The following EEIG2 variants were observed in gnomAD, a reference collection of about 807,000 sequenced individuals.
EEIG2 encodes the protein EEIG family member 2.
At chr1:108,583,249 C>T in the EEIG2 span, among the ~76,000 whole-genome samples, 2 of 152,112 alleles carry the variant, frequency 1.3e-5, no homozygotes, top group South Asian at 4.1e-4. Context: ...CTTGACCTCC[C>T]TGGGCTTAGG....
At chr1:108,628,514 G>A in the EEIG2 span, 1 of 1,614,080 alleles carries the variant, frequency 6.2e-7, no homozygotes, top group Non-Finnish European at 8.5e-7. Context: ...TGATGAAATT[G>A]AGCAGAAAAT....
the EEIG2 span, chr1:108,624,797 A>G: frequency 6.8e-7 from 1 of 1,475,732 alleles, no homozygotes; most frequent in East Asian, 2.3e-5. Flanking sequence ...AGACGACTTG[A>G]TGCCCTAAAA....
chr1:108,631,274 C>T, the EEIG2 span: 9 of 213,708 alleles, frequency 4.2e-5, no homozygotes, highest in Admixed American at 1.1e-4. Context: ...CAAATTGGCC[C>T]ACTACCTGTA....
chr1:108,562,551 G>T, the EEIG2 span, among the ~76,000 whole-genome samples: 1 of 152,202 alleles, frequency 6.6e-6, no homozygotes, highest in Non-Finnish European at 1.5e-5. Flanking sequence ...CAAGGATTTG[G>T]AATGCGGTGA....
the EEIG2 span, chr1:108,631,010 C>G: frequency 5.0e-5 from 10 of 198,520 alleles, no homozygotes; most frequent in South Asian, 6.6e-4. Flanking sequence ...CCTACATCAA[C>G]GATTAACTAC....
chr1:108,568,161 A>G, the EEIG2 span, among the ~76,000 whole-genome samples: 1 of 152,194 alleles, frequency 6.6e-6, no homozygotes, highest in Non-Finnish European at 1.5e-5. Flanking sequence ...CAGTAAGTTA[A>G]TATTCACCAC....
chr1:108,608,145 A>G, the EEIG2 span, among the ~76,000 whole-genome samples: 1 of 152,190 alleles, frequency 6.6e-6, no homozygotes. Context: ...ACAAACCTGG[A>G]GTATCCCATG....
chr1:108,613,384 G>A, the EEIG2 span, among the ~76,000 whole-genome samples: 2 of 152,134 alleles, frequency 1.3e-5, no homozygotes, highest in African/African-American at 4.8e-5. Context: ...GGCAGAGCTG[G>A]GACCACAGTG....
the EEIG2 span, among the ~76,000 whole-genome samples, chr1:108,561,467 T>A: frequency 6.6e-6 from 1 of 152,338 alleles, no homozygotes; most frequent in Admixed American, 6.5e-5. Context: ...CCATATATAC[T>A]GGTCTTAGGC....
the EEIG2 span, among the ~76,000 whole-genome samples, chr1:108,624,197 A>G: frequency 2.0e-5 from 3 of 152,110 alleles, no homozygotes; most frequent in Non-Finnish European, 4.4e-5. Flanking sequence ...AAAACCATGG[A>G]TACTATTTAA....
chr1:108,612,222 A>C, the EEIG2 span: 3 of 1,613,770 alleles, frequency 1.9e-6, no homozygotes, highest in Non-Finnish European at 2.5e-6. Context: ...CTGGATCAGG[A>C]AATACCACTC....
the EEIG2 span, among the ~76,000 whole-genome samples, chr1:108,561,034 T>C: frequency 6.6e-6 from 1 of 152,220 alleles, no homozygotes; most frequent in Non-Finnish European, 1.5e-5. Context: ...CTGGCCAGGC[T>C]TGACTTGAGT....
chr1:108,632,128 A>AC, the EEIG2 span, among the ~76,000 whole-genome samples: 1 of 85,002 alleles, frequency 1.2e-5, no homozygotes, highest in African/African-American at 4.6e-5. Context: ...AAAAAAAAAA[A>AC]AAAAAAAAGA....
chr1:108,629,917 C>T, the EEIG2 span: 1 of 429,442 alleles, frequency 2.3e-6, no homozygotes, highest in Non-Finnish European at 4.2e-6. Flanking sequence ...GACCAGTAGA[C>T]CATTGGGAAA....
At chr1:108,579,762 T>TGAGAGAGAGAGA in the EEIG2 span, among the ~76,000 whole-genome samples, 1 of 22,908 alleles carries the variant, frequency 4.4e-5, no homozygotes, top group South Asian at 1.9e-3. Context: ...TGTGTGTGTG[T>TGAGAGAGAGAGA]GTGTGTGTGT....
chr1:108,624,006 T>C, the EEIG2 span, among the ~76,000 whole-genome samples: 1 of 151,994 alleles, frequency 6.6e-6, no homozygotes, highest in Admixed American at 6.6e-5. Context: ...CTGTTAGAAA[T>C]TAAATTTACC....
the EEIG2 span, chr1:108,624,770 GTT>G: frequency 6.3e-7 from 1 of 1,598,738 alleles, no homozygotes; most frequent in Middle Eastern, 1.7e-4. Context: ...TGGCTTACTG[GTT>G]TTTTAATTTG....
At chr1:108,585,926 ATATTCTTTTGAACTTACTGTT>A in the EEIG2 span, among the ~76,000 whole-genome samples, 1 of 152,054 alleles carries the variant, frequency 6.6e-6, no homozygotes, top group Non-Finnish European at 1.5e-5. Flanking sequence ...TGACCCGAAC[ATATTCTTTTGAACTTACTGTT>A]TAATATTCCT....
the EEIG2 span, among the ~76,000 whole-genome samples, chr1:108,594,906 A>G: frequency 6.6e-6 from 1 of 152,174 alleles, no homozygotes; most frequent in Non-Finnish European, 1.5e-5. Context: ...AAGCCCATCA[A>G]ACTTAATGTT....
Sources: gnomAD v4.1 joint callset for allele counts (sites outside exome capture counted in the v4.1 genomes callset) on GRCh38, gnomAD v4.1.1 for gene constraint, MANE v1.5 for transcripts, NCBI Gene and HGNC (gene_info 2026-07-23, HGNC 2026-07-21) for gene names.